TMC1: variants seen among roughly 807,000 people sequenced by gnomAD.
The protein encoded by TMC1 is transmembrane channel like 1.
TMC1 carries 84 observed loss-of-function variants against 105.8 expected under a neutral mutation model. That is an observed-to-expected ratio of 0.79 (90% confidence interval 0.67 to 0.95). TMC1 has a LOEUF of 0.95. TMC1 is among the 40% of genes least tolerant of loss of function. TMC1 has a pLI of 0.00. For missense variants in TMC1, 817 were observed against 914.1 expected (o/e 0.89, Z 1.37); for synonymous variants, 315 against 311.5 (o/e 1.01, Z -0.12).
chr9:72,684,622 A>T (rs903315822), intron 5 of TMC1, among the ~76,000 whole-genome samples: 20 of 152,054 alleles, frequency 1.3e-4, no homozygotes, highest in African/African-American at 4.6e-4. Context: ...TCCAGTCCAG[A>T]CCTTTCTTCT....
At position 72,742,492 on chromosome 9, in the gene TMC1, G is replaced by T; in HGVS notation, c.502G>T (p.Val168Phe). The change falls in exon 10 of 24, where the codon GTC becomes TTC. Residue 168 changes from valine (V) to phenylalanine (F), a missense_variant. Physicochemically the swap from Val to Phe is conservative, Grantham distance 50 (BLOSUM62 -1). Coordinates refer to ENST00000297784, the MANE Select transcript of TMC1 (RefSeq NM_138691.3). Reference sequence around the variant, plus strand: ...TTTTGAGAACTTCAAAGCTGCGTGTGTCCCATGGGAAAATAAAATCAAGGC... The same window carrying T: ...TTTTGAGAACTTCAAAGCTGCGTGTTTCCCATGGGAAAATAAAATCAAGGC... ...RDFENFKAACVPWENKIKAIE... is the reference protein window; with the variant it reads ...RDFENFKAACFPWENKIKAIE... 2 of 1,614,120 alleles carry T rather than the reference G, an allele frequency of 1.2e-6. No individual in the cohort carries two copies. Among genetic ancestry groups the T allele is most frequent in the South Asian group, 2.2e-5 (2 of 91,084 alleles).
Position 72,701,302 on chromosome 9 carries a change from G to A in TMC1, c.362+659G>A, listed in dbSNP as rs117361073. Among the ~76,000 whole-genome samples the A allele has an allele frequency of 2.9e-3, 447 of 152,248 alleles. 3 individuals carry two copies. The highest frequency in any genetic ancestry group is 3.0e-3 in the Non-Finnish European group (203 of 68,024). On this transcript the variant is annotated intron_variant, in intron 8 of 23. Coordinates refer to ENST00000297784, the MANE Select transcript of TMC1 (RefSeq NM_138691.3). Reference sequence around the variant, plus strand: ...GTCTTATGTTGATGCTAATGTGGACGCGAACGCAGTCAGAGCACACAGATT... The same window carrying A: ...GTCTTATGTTGATGCTAATGTGGACACGAACGCAGTCAGAGCACACAGATT...
intron 2 of TMC1, among the ~76,000 whole-genome samples, chr9:72,586,558 G>A (rs1244600934): frequency 6.6e-6 from 1 of 152,166 alleles, no homozygotes. Context: ...CCCTACGTGC[G>A]AAGGTTGCTT....
intron 5 of TMC1, among the ~76,000 whole-genome samples, chr9:72,677,368 G>T (rs972883706): frequency 2.0e-5 from 3 of 152,066 alleles, no homozygotes; most frequent in Non-Finnish European, 4.4e-5. Context: ...ATTAGATGAG[G>T]CTCACCCACA....
chr9:72,686,021 C>A (rs1826374733), intron 5 of TMC1, among the ~76,000 whole-genome samples: 1 of 152,162 alleles, frequency 6.6e-6, no homozygotes, highest in Non-Finnish European at 1.5e-5. Context: ...TGAAATGTGA[C>A]ATTTTGCTGT....
At chr9:72,561,314 T>C (rs527683568) in intron 1 of TMC1, among the ~76,000 whole-genome samples, 13 of 75,836 alleles carry the variant, frequency 1.7e-4, no homozygotes, top group African/African-American at 3.5e-4. Flanking sequence ...CGAGACTCCG[T>C]CTCAAAAAAA....
chr9:72,787,403 G>A (rs777595802), intron 13 of TMC1, among the ~76,000 whole-genome samples: 23 of 152,198 alleles, frequency 1.5e-4, no homozygotes, highest in Non-Finnish European at 2.4e-4. Flanking sequence ...TAGAGATACC[G>A]GTCAACCTAC....
intron 3 of TMC1, among the ~76,000 whole-genome samples, chr9:72,619,175 C>G (rs1460901367): frequency 1.3e-5 from 2 of 150,812 alleles, no homozygotes; most frequent in Non-Finnish European, 2.9e-5. Context: ...CATGAAGAGG[C>G]CCCCAGTGTC....
intron 5 of TMC1, among the ~76,000 whole-genome samples, chr9:72,687,088 T>G (rs1327108798): frequency 6.6e-6 from 1 of 152,172 alleles, no homozygotes; most frequent in Non-Finnish European, 1.5e-5. Context: ...TTCCTTATAT[T>G]TTTGTTCATT....
intron 19 of TMC1, chr9:72,817,082 T>C (rs1828799928): frequency 6.6e-6 from 1 of 152,104 alleles, no homozygotes; most frequent in Non-Finnish European, 1.5e-5. Context: ...ATTGTACCAA[T>C]AGATCTGTCC....
intron 1 of TMC1, among the ~76,000 whole-genome samples, chr9:72,538,103 C>G (rs112351834): frequency 0.021 from 3,212 of 150,160 alleles, 101 homozygotes; most frequent in African/African-American, 0.075. Context: ...TTGCAGTGAG[C>G]TGAGATTGCA....
intron 5 of TMC1, among the ~76,000 whole-genome samples, chr9:72,654,706 T>C (rs1450813099): frequency 1.3e-5 from 2 of 152,094 alleles, no homozygotes; most frequent in Non-Finnish European, 2.9e-5. Context: ...TTACTTTTTG[T>C]TTAAATATTA....
intron 12 of TMC1, among the ~76,000 whole-genome samples, chr9:72,768,452 C>T (rs1170285195): frequency 6.6e-6 from 1 of 151,834 alleles, no homozygotes; most frequent in African/African-American, 2.4e-5. Flanking sequence ...GCACATGTAC[C>T]CCAGAACTTA....
chr9:72,599,384 T>C (rs572232827), intron 2 of TMC1, among the ~76,000 whole-genome samples: 1 of 152,268 alleles, frequency 6.6e-6, no homozygotes, highest in Admixed American at 6.5e-5. Context: ...ATTAGGCAGA[T>C]GTGGAAGAAG....
intron 8 of TMC1, among the ~76,000 whole-genome samples, chr9:72,725,325 GTATATATATATATATATATATATA>G (rs57562145): frequency 0.014 from 1,111 of 77,690 alleles, 37 homozygotes; most frequent in African/African-American, 0.04. Flanking sequence ...ATGTGTGTAT[GTATATATATATATATATATATATA>G]TATATATATA....
At chr9:72,613,455 G>A (rs887284690) in intron 2 of TMC1, among the ~76,000 whole-genome samples, 3 of 152,032 alleles carry the variant, frequency 2.0e-5, no homozygotes, top group Admixed American at 6.6e-5. Flanking sequence ...TAGCAATTTT[G>A]TCACCCATCA....
At chr9:72,716,941 C>A (rs1380707204) in intron 8 of TMC1, among the ~76,000 whole-genome samples, 4 of 152,174 alleles carry the variant, frequency 2.6e-5, no homozygotes, top group South Asian at 2.1e-4. Flanking sequence ...GTTGTGAAGA[C>A]CATGGGAAAA....
chr9:72,587,708 C>A (rs1824577019), intron 2 of TMC1, among the ~76,000 whole-genome samples: 2 of 152,060 alleles, frequency 1.3e-5, no homozygotes, highest in South Asian at 4.1e-4. Context: ...TTTCCAATTG[C>A]ATTTTATTGG....
intron 1 of TMC1, among the ~76,000 whole-genome samples, chr9:72,564,527 A>G (rs1824114339): frequency 6.6e-6 from 1 of 152,202 alleles, no homozygotes; most frequent in African/African-American, 2.4e-5. Context: ...ACACACTATA[A>G]ACCTCAGAAT....
Sources: allele counts gnomAD v4.1 joint callset (sites outside exome capture counted in the v4.1 genomes callset), GRCh38; gene constraint gnomAD v4.1.1; transcripts MANE v1.5; gene names NCBI Gene and HGNC (gene_info 2026-07-23, HGNC 2026-07-21).